Variants in DYNC1LI1 observed in about 807,000 individuals in gnomAD.
The protein encoded by DYNC1LI1 is cytoplasmic dynein 1 light intermediate chain 1.
Under a neutral mutation model 63.8 loss-of-function variants are expected in DYNC1LI1, and 19 were observed. The observed-to-expected ratio is 0.30, with a 90% confidence interval of 0.21 to 0.44. The LOEUF is 0.44. Ranked by LOEUF, DYNC1LI1 falls within the 20% of genes least tolerant of loss-of-function variation. The pLI, the probability that DYNC1LI1 is intolerant of heterozygous loss-of-function variation, is 1.00. For missense variants in DYNC1LI1, 565 were observed against 630.2 expected, an observed-to-expected ratio of 0.90 and a Z score of 1.11; for synonymous variants, 225 against 232.3, an observed-to-expected ratio of 0.97 and a Z score of 0.28.
intron 2 of DYNC1LI1, among the ~76,000 whole-genome samples, chr3:32,568,157 A>G (rs1487183552): frequency 6.6e-6 from 1 of 152,116 alleles, no homozygotes; most frequent in East Asian, 1.9e-4. Flanking sequence ...TTTTTAAATA[A>G]GAGACTCCAG....
chr3:32,540,194 CTT>C (rs1250910407), intron 5 of DYNC1LI1, among the ~76,000 whole-genome samples: 1 of 151,796 alleles, frequency 6.6e-6, no homozygotes, highest in Admixed American at 6.6e-5. Flanking sequence ...TTAAAGGAAA[CTT>C]AATTTTATTA....
Position 32,526,538 on chromosome 3 carries a change from T to C in DYNC1LI1, c.*261A>G. On this transcript the variant is annotated 3_prime_UTR_variant, in exon 13 of 13. Coordinates refer to ENST00000273130, the MANE Select transcript of DYNC1LI1 (RefSeq NM_016141.4). ...TGGCTGTATTTCAGATCTAAAAGTTTTGAGATTTTCAAAATCAAAAATTAC... is the reference window on the plus strand; with the variant it reads ...TGGCTGTATTTCAGATCTAAAAGTTCTGAGATTTTCAAAATCAAAAATTAC... 3.7e-6 allele frequency: 1 copy of C among 272,572 alleles called. No individual in the cohort carries two copies. The highest frequency in any genetic ancestry group is 7.0e-6 in the Non-Finnish European group (1 of 143,226). The allele number at this position is 272,572 out of a possible 1,614,324, so 16.9% of individuals were successfully genotyped here.
intron 11 of DYNC1LI1, among the ~76,000 whole-genome samples, chr3:32,529,273 T>C (rs1451267640): frequency 1.3e-5 from 2 of 152,232 alleles, no homozygotes; most frequent in Non-Finnish European, 2.9e-5. Context: ...AGATTACTTA[T>C]TATAGTGTAA....
chr3:32,539,266 C>T (rs1697844598), intron 5 of DYNC1LI1, among the ~76,000 whole-genome samples: 1 of 152,084 alleles, frequency 6.6e-6, no homozygotes, highest in African/African-American at 2.4e-5. Flanking sequence ...ATTTTAAGTG[C>T]CGTCACTCCA....
intron 4 of DYNC1LI1, among the ~76,000 whole-genome samples, chr3:32,544,142 A>G (rs2125437386): frequency 6.6e-6 from 1 of 152,278 alleles, no homozygotes; most frequent in African/African-American, 2.4e-5. Context: ...TTCCCATAAA[A>G]ATCTCCAATT....
At chr3:32,537,936 T>TAA (rs371975982) in intron 5 of DYNC1LI1, among the ~76,000 whole-genome samples, 2 of 13,054 alleles carry the variant, frequency 1.5e-4, no homozygotes, top group Non-Finnish European at 2.7e-4. Context: ...AATATATATA[T>TAA]AATATATATA....
intron 2 of DYNC1LI1, among the ~76,000 whole-genome samples, chr3:32,569,203 TGTGATAGGGCA>T (rs1698308404): frequency 6.6e-6 from 1 of 152,220 alleles, no homozygotes; most frequent in Non-Finnish European, 1.5e-5. Flanking sequence ...AGGGCTTATA[TGTGATAGGGCA>T]GTGACTCAAT....
intron 2 of DYNC1LI1, 49 bp downstream of exon 2, chr3:32,570,297 C>A: frequency 6.8e-7 from 1 of 1,479,210 alleles, no homozygotes. Flanking sequence ...ACCAGGTACC[C>A]CGGGCCGCTG....
At chr3:32,536,304 C>T (rs1697772945) in intron 6 of DYNC1LI1, among the ~76,000 whole-genome samples, 1 of 152,152 alleles carries the variant, frequency 6.6e-6, no homozygotes, top group African/African-American at 2.4e-5. Flanking sequence ...GGGAATGCAA[C>T]TGCAAAATAT....
chr3:32,561,084 T>A (rs1007299790), intron 2 of DYNC1LI1, among the ~76,000 whole-genome samples: 1 of 100,960 alleles, frequency 9.9e-6, no homozygotes, highest in African/African-American at 3.9e-5. Flanking sequence ...TTTAATCCAA[T>A]AAATATCTAC....
chr3:32,566,712 G>A (rs888663706), intron 2 of DYNC1LI1: 26 of 435,112 alleles, frequency 6.0e-5, no homozygotes, highest in African/African-American at 3.7e-4. Context: ...CACTCTAGCC[G>A]GGGCAACAAG....
At chr3:32,540,271 T>C (rs1480834617) in intron 5 of DYNC1LI1, among the ~76,000 whole-genome samples, 2 of 152,144 alleles carry the variant, frequency 1.3e-5, no homozygotes, top group Admixed American at 1.3e-4. Context: ...TCAGAACCTC[T>C]TTAAAAAACA....
chr3:32,564,512 A>G (rs576820547), intron 2 of DYNC1LI1, among the ~76,000 whole-genome samples: 55 of 152,360 alleles, frequency 3.6e-4, no homozygotes, highest in African/African-American at 1.2e-3. Context: ...CAGAGACCAT[A>G]TGACTTACAA....
In DYNC1LI1 at chr3:32,566,376, ATTT is replaced by A. The variant is rs750612329; in HGVS notation, c.220+3967_220+3969del. Among the ~76,000 whole-genome samples, 54 of 152,176 alleles carry A rather than the reference ATTT, an allele frequency of 3.5e-4. 1 individual carries two copies. The highest frequency in any genetic ancestry group is 6.5e-4 in the Non-Finnish European group (44 of 68,026). On this transcript the variant is annotated intron_variant, in intron 2 of 12. Transcript: ENST00000273130. The stretch of plus-strand genomic sequence containing the variant: ...TAAGTGCTCTATGTTAGGTATTATT[ATTT>A]ATTTTCCTTAGGGAGTTTTCTTATC...
chr3:32,559,955 G>A (rs1485312422), intron 2 of DYNC1LI1, among the ~76,000 whole-genome samples: 1 of 152,156 alleles, frequency 6.6e-6, no homozygotes, highest in Non-Finnish European at 1.5e-5. Flanking sequence ...GACTTTAGGT[G>A]TGCTCCCCAT....
At chr3:32,532,878 C>A in intron 8 of DYNC1LI1, 108 bp downstream of exon 8, 1 of 1,385,346 alleles carries the variant, frequency 7.2e-7, no homozygotes, top group East Asian at 2.8e-5. Flanking sequence ...AGAAACCCTC[C>A]AGATGGAAAA....
chr3:32,530,517 C>G lies in DYNC1LI1; in HGVS notation c.1084G>C (p.Val362Leu), dbSNP rs1697682178. The G allele has an allele frequency of 6.2e-7, 1 of 1,612,382 alleles. No homozygotes were observed. The highest frequency in any genetic ancestry group is 1.7e-5 in the Admixed American group (1 of 59,980). ...TCTGCCATAATTTCCTTCTCATGTA[C>G]AAACTGAAATGAGCAATGCACAAAT... ...IITKPPVRKF[V>L]HEKEIMAEDD... Residue 362 changes from valine (V) to leucine (L), a missense_variant, in exon 9 of 13, where the codon GTA becomes CTA. Physicochemically the swap from Val to Leu is conservative, Grantham distance 32 (BLOSUM62 1). Transcript: ENST00000273130.
intron 4 of DYNC1LI1, among the ~76,000 whole-genome samples, chr3:32,544,585 T>C (rs28564017): frequency 0.029 from 4,431 of 152,066 alleles, 227 homozygotes; most frequent in African/African-American, 0.1. Context: ...CTGGCCAATA[T>C]GGTGAAACCC....
chr3:32,547,288 G>C (rs779196774), intron 2 of DYNC1LI1, among the ~76,000 whole-genome samples: 10 of 152,098 alleles, frequency 6.6e-5, no homozygotes, highest in Non-Finnish European at 1.5e-4. Flanking sequence ...ATGTTTTGGT[G>C]AGGGCTTTTT....
Sources: allele counts gnomAD v4.1 joint callset (sites outside exome capture counted in the v4.1 genomes callset), GRCh38; gene constraint gnomAD v4.1.1; transcripts MANE v1.5; gene names NCBI Gene and HGNC (gene_info 2026-07-23, HGNC 2026-07-21).